The following CD247 variants were observed in gnomAD, a reference collection of about 807,000 sequenced individuals.
The protein encoded by CD247 is T-cell surface glycoprotein CD3 zeta chain.
A neutral mutation model predicts 30.0 loss-of-function variants in CD247; 13 were observed. The observed-to-expected ratio is 0.43, with a 90% CI of 0.28 to 0.69. CD247 has a LOEUF of 0.69. CD247 is among the 30% of genes least tolerant of loss of function. CD247 has a pLI of 0.16. For missense variants in CD247, 193 were observed against 212.6 expected (o/e 0.91, Z 0.57); for synonymous variants, 72 against 80.0 (o/e 0.90, Z 0.53).
At chr1:167,502,709 G>T (rs1342906001) in intron 1 of CD247, among the ~76,000 whole-genome samples, 1 of 152,122 alleles carries the variant, frequency 6.6e-6, no homozygotes, top group Non-Finnish European at 1.5e-5. Flanking sequence ...TATGACTGGT[G>T]TCCTTATAAA....
At chr1:167,495,626 G>A (rs1237872232) in intron 1 of CD247, among the ~76,000 whole-genome samples, 1 of 152,026 alleles carries the variant, frequency 6.6e-6, no homozygotes, top group Non-Finnish European at 1.5e-5. Context: ...ATCTCACTTA[G>A]AGCAAAATGT....
chr1:167,466,950 A>C (rs369009005), intron 1 of CD247, among the ~76,000 whole-genome samples: 421 of 151,450 alleles, frequency 2.8e-3, no homozygotes, highest in African/African-American at 8.9e-3. Flanking sequence ...CGCCATTCTC[A>C]TGCCTCAGCC....
intron 1 of CD247, 21 bp downstream of exon 1, chr1:167,518,387 C>A: frequency 6.2e-7 from 1 of 1,613,430 alleles, no homozygotes; most frequent in Non-Finnish European, 8.5e-7. Flanking sequence ...AAGTTCCCTG[C>A]CGTCGACACG....
chr1:167,492,741 A>G (rs1654506339), intron 1 of CD247, among the ~76,000 whole-genome samples: 1 of 152,126 alleles, frequency 6.6e-6, no homozygotes, highest in Admixed American at 6.5e-5. Flanking sequence ...TCTCAAAGGG[A>G]TGCCTACCAG....
At chr1:167,467,791 C>T (rs1033738357) in intron 1 of CD247, among the ~76,000 whole-genome samples, 3 of 152,144 alleles carry the variant, frequency 2.0e-5, no homozygotes, top group African/African-American at 4.8e-5. Context: ...CTAGGGCCTC[C>T]GTCTGGTCGG....
At chr1:167,448,314 C>T in intron 1 of CD247, 1 of 971,990 alleles carries the variant, frequency 1.0e-6, no homozygotes, top group Non-Finnish European at 1.2e-6. Flanking sequence ...GATCCACAGT[C>T]CAGGTCTTAA....
At chr1:167,466,901 G>T (rs577766836) in intron 1 of CD247, among the ~76,000 whole-genome samples, 5 of 151,580 alleles carry the variant, frequency 3.3e-5, no homozygotes, top group African/African-American at 1.2e-4. Context: ...GTGCAGTGGC[G>T]CAATCTCAGC....
intron 1 of CD247, among the ~76,000 whole-genome samples, chr1:167,488,326 C>G (rs1387212241): frequency 6.6e-6 from 1 of 152,216 alleles, no homozygotes; most frequent in African/African-American, 2.4e-5. Flanking sequence ...TCATTCAAAA[C>G]TGTCATGATA....
At chr1:167,512,720 C>T (rs1655440996) in intron 1 of CD247, among the ~76,000 whole-genome samples, 1 of 152,202 alleles carries the variant, frequency 6.6e-6, no homozygotes, top group Non-Finnish European at 1.5e-5. Context: ...TGTTTAGGCA[C>T]TTCCGAATCA....
rs753572867 is a variant in CD247, at chr1:167,438,620, C to T, written c.250G>A (p.Asp84Asn). The T allele has an allele frequency of 4.3e-6, 7 of 1,614,076 alleles. No individual in the cohort carries two copies. The highest frequency in any genetic ancestry group is 5.1e-6 in the Non-Finnish European group (6 of 1,179,920). Reference sequence around the variant, plus strand: ...CGGCCACGTCTCTTGTCCAAAACATCGTACTCCTCTCTTCGTCCTAGATTG... The same window carrying T: ...CGGCCACGTCTCTTGTCCAAAACATTGTACTCCTCTCTTCGTCCTAGATTG... ...ELNLGRREEYDVLDKRRGRDP... is the reference protein window; with the variant it reads ...ELNLGRREEYNVLDKRRGRDP... Residue 84 changes from aspartate (D) to asparagine (N), a missense_variant, in exon 4 of 8, where the codon GAT becomes AAT. Physicochemically the swap from Asp to Asn is conservative, Grantham distance 23. Transcript: ENST00000362089.
intron 1 of CD247, among the ~76,000 whole-genome samples, chr1:167,455,511 T>C (rs1046066676): frequency 6.6e-6 from 1 of 152,208 alleles, no homozygotes; most frequent in Non-Finnish European, 1.5e-5. Context: ...CAGCCCCGTG[T>C]TGCCGCCAGC....
chr1:167,496,911 G>A (rs1571587073), intron 1 of CD247, among the ~76,000 whole-genome samples: 1 of 152,160 alleles, frequency 6.6e-6, no homozygotes, highest in East Asian at 1.9e-4. Context: ...GGAGGCGGGT[G>A]ATGAAAAAAG....
intron 1 of CD247, chr1:167,448,549 C>T: frequency 1.0e-6 from 1 of 985,290 alleles, no homozygotes; most frequent in Non-Finnish European, 1.2e-6. Flanking sequence ...TCACACTGCC[C>T]AGTGCTTATA....
intron 1 of CD247, among the ~76,000 whole-genome samples, chr1:167,450,291 T>A (rs1345534973): frequency 1.3e-5 from 2 of 151,866 alleles, no homozygotes; most frequent in Non-Finnish European, 2.9e-5. Flanking sequence ...AGCCCAGGAG[T>A]TAGAGACCAG....
intron 1 of CD247, among the ~76,000 whole-genome samples, chr1:167,496,908 G>A (rs959985659): frequency 3.9e-5 from 6 of 152,112 alleles, no homozygotes; most frequent in Non-Finnish European, 8.8e-5. Flanking sequence ...CGGGGAGGCG[G>A]GTGATGAAAA....
At chr1:167,477,347 G>C (rs1198326441) in intron 1 of CD247, among the ~76,000 whole-genome samples, 1 of 152,216 alleles carries the variant, frequency 6.6e-6, no homozygotes, top group Non-Finnish European at 1.5e-5. Flanking sequence ...CCAGTGGTCA[G>C]TGCCAGAAGA....
At chr1:167,514,810 T>G (rs1425825600) in intron 1 of CD247, among the ~76,000 whole-genome samples, 1 of 152,122 alleles carries the variant, frequency 6.6e-6, no homozygotes, top group African/African-American at 2.4e-5. Flanking sequence ...ATTCCCAAAG[T>G]GCGTGTTTGG....
chr1:167,503,547 C>A (rs1378460198), intron 1 of CD247, among the ~76,000 whole-genome samples: 1 of 152,222 alleles, frequency 6.6e-6, no homozygotes, highest in Non-Finnish European at 1.5e-5. Flanking sequence ...TAAACAACAA[C>A]AAACAAAACC....
chr1:167,442,495 C>T (rs1275570721), intron 1 of CD247, among the ~76,000 whole-genome samples: 1 of 152,212 alleles, frequency 6.6e-6, no homozygotes, highest in Non-Finnish European at 1.5e-5. Context: ...CAGACACTGC[C>T]TTAAATGTAA....
Sources: allele counts gnomAD v4.1 joint callset (sites outside exome capture counted in the v4.1 genomes callset), GRCh38; gene constraint gnomAD v4.1.1; transcripts MANE v1.5; gene names NCBI Gene and HGNC (gene_info 2026-07-23, HGNC 2026-07-21).